KCNK9: variants seen among roughly 807,000 people sequenced by gnomAD.
The protein encoded by KCNK9 is potassium two pore domain channel subfamily K member 9, also known as potassium channel subfamily K member 9.
In KCNK9, 1 loss-of-function variant was observed where a neutral mutation model predicts 10.8. The observed-to-expected ratio is 0.09, with a 90% CI of 0.03 to 0.44. The LOEUF (loss-of-function observed/expected upper bound fraction) is 0.44, where lower values mean the gene tolerates loss of function less well. Ranked by LOEUF, KCNK9 falls within the 20% of genes least tolerant of loss-of-function variation. The pLI, the probability that KCNK9 is intolerant of heterozygous loss-of-function variation, is 0.97. For missense variants in KCNK9, 303 were observed against 515.0 expected, an observed-to-expected ratio of 0.59 and a Z score of 3.98; for synonymous variants, 231 against 222.7, an observed-to-expected ratio of 1.04 and a Z score of -0.33.
At chr8:139,653,632 C>T (rs1815933599) in intron 1 of KCNK9, among the ~76,000 whole-genome samples, 1 of 152,304 alleles carries the variant, frequency 6.6e-6, no homozygotes, top group East Asian at 1.9e-4. Context: ...ACCCCAAGGG[C>T]CTGGAGCTGG....
intron 1 of KCNK9, among the ~76,000 whole-genome samples, chr8:139,652,025 G>T (rs1815880672): frequency 6.6e-6 from 1 of 152,094 alleles, no homozygotes; most frequent in African/African-American, 2.4e-5. Context: ...GACATTCTTT[G>T]TGTGCCTGGA....
chr8:139,625,869 C>T (rs1027496981), intron 1 of KCNK9, among the ~76,000 whole-genome samples: 7 of 152,184 alleles, frequency 4.6e-5, no homozygotes, highest in African/African-American at 1.4e-4. Flanking sequence ...CACTTCAAGA[C>T]ACCTGCCACT....
chr8:139,606,998 G>A (rs954100927), intron 2 of KCNK9, among the ~76,000 whole-genome samples: 17 of 152,012 alleles, frequency 1.1e-4, no homozygotes, highest in African/African-American at 3.4e-4. Flanking sequence ...CACACAAAAC[G>A]GCTGTCAAAA....
At chr8:139,671,507 G>GTTTTT (rs1332954964) in intron 1 of KCNK9, among the ~76,000 whole-genome samples, 1 of 131,940 alleles carries the variant, frequency 7.6e-6, no homozygotes, top group African/African-American at 2.8e-5. Flanking sequence ...TCTTTTTTTA[G>GTTTTT]TTTCTTTTTT....
chr8:139,654,464 C>G (rs1047611711), intron 1 of KCNK9, among the ~76,000 whole-genome samples: 3 of 152,226 alleles, frequency 2.0e-5, no homozygotes, highest in East Asian at 1.9e-4. Flanking sequence ...ATCCCCACCC[C>G]CTTCCTGAGC....
At chr8:139,626,600 G>T (rs1309639188) in intron 1 of KCNK9, among the ~76,000 whole-genome samples, 1 of 152,172 alleles carries the variant, frequency 6.6e-6, no homozygotes, top group African/African-American at 2.4e-5. Context: ...GTCTCCCAGG[G>T]AGCCTGGCTA....
chr8:139,681,546 C>A (rs1387849322), intron 1 of KCNK9, among the ~76,000 whole-genome samples: 1 of 152,254 alleles, frequency 6.6e-6, no homozygotes, highest in Non-Finnish European at 1.5e-5. Context: ...ACCCGGCAGA[C>A]TTCCTGGTGC....
chr8:139,613,849 C>T (rs1028372110), downstream of KCNK9, among the ~76,000 whole-genome samples: 1 of 152,206 alleles, frequency 6.6e-6, no homozygotes, highest in Non-Finnish European at 1.5e-5. Flanking sequence ...CTGCATGGGA[C>T]AGACCCCAAG....
chr8:139,626,175 C>T (rs545845880), intron 1 of KCNK9, among the ~76,000 whole-genome samples: 1 of 152,228 alleles, frequency 6.6e-6, no homozygotes, highest in Non-Finnish European at 1.5e-5. Flanking sequence ...CGCTCCTGCA[C>T]TCCAGCGCTC....
chr8:139,672,111 G>A (rs1816442978), intron 1 of KCNK9, among the ~76,000 whole-genome samples: 1 of 152,136 alleles, frequency 6.6e-6, no homozygotes, highest in Non-Finnish European at 1.5e-5. Context: ...TCACGGCAGG[G>A]GCTCACCAAG....
At chr8:139,651,431 G>C (rs1390079425) in intron 1 of KCNK9, among the ~76,000 whole-genome samples, 3 of 152,228 alleles carry the variant, frequency 2.0e-5, no homozygotes, top group Non-Finnish European at 4.4e-5. Flanking sequence ...CACAGGAGGG[G>C]ACAAAATCAT....
At chr8:139,661,026 T>C (rs1464139941) in intron 1 of KCNK9, among the ~76,000 whole-genome samples, 1 of 152,204 alleles carries the variant, frequency 6.6e-6, no homozygotes, top group African/African-American at 2.4e-5. Flanking sequence ...AAAATAACTT[T>C]CCTGAGGCCC....
At chr8:139,644,721 C>CCA (rs779839455) in intron 1 of KCNK9, among the ~76,000 whole-genome samples, 28 of 150,542 alleles carry the variant, frequency 1.9e-4, no homozygotes, top group South Asian at 4.2e-4. Flanking sequence ...CCTGTCCCCC[C>CCA]CCCCCAGAGC....
intron 1 of KCNK9, among the ~76,000 whole-genome samples, chr8:139,635,748 A>G (rs1303476479): frequency 6.6e-6 from 1 of 152,160 alleles, no homozygotes; most frequent in African/African-American, 2.4e-5. Context: ...GGGAAAAAAA[A>G]TCACCCACAA....
At position 139,606,016 on chromosome 8, in the gene KCNK9, A is replaced by G. The variant is rs368801119; in HGVS notation, c.*1-4415T>C. On this transcript the variant is annotated intron_variant, in intron 2 of 2. Coordinates refer to the KCNK9 transcript ENST00000650269. ...TGAACAAAAGAAAACAAACAGAAGCAGTAGGCTCCTTTTGAATTTGGTTCT... is the reference window on the plus strand; with the variant it reads ...TGAACAAAAGAAAACAAACAGAAGCGGTAGGCTCCTTTTGAATTTGGTTCT... Among the ~76,000 whole-genome samples, 368 of 152,328 alleles carry G rather than the reference A, an allele frequency of 2.4e-3. 3 individuals carry two copies. The highest frequency in any genetic ancestry group is 7.5e-3 in the African/African-American group (310 of 41,580).
chr8:139,632,476 T>C (rs1018625040), intron 1 of KCNK9, among the ~76,000 whole-genome samples: 5 of 152,126 alleles, frequency 3.3e-5, no homozygotes, highest in Non-Finnish European at 7.4e-5. Context: ...ACAGACAGTG[T>C]CTACCCACAT....
At chr8:139,601,522 G>T (rs760170257) in exon 3 of KCNK9, 3 of 152,214 alleles carry the variant, frequency 2.0e-5, no homozygotes, top group Non-Finnish European at 2.9e-5. Flanking sequence ...AGATGCTGAG[G>T]ATCCAGGGAA....
intron 2 of KCNK9, among the ~76,000 whole-genome samples, chr8:139,606,655 G>A (rs1323000536): frequency 6.6e-6 from 1 of 152,202 alleles, no homozygotes; most frequent in Admixed American, 6.5e-5. Context: ...GTACATCTAA[G>A]AGGGATTATC....
chr8:139,654,100 C>T (rs572281262), intron 1 of KCNK9, among the ~76,000 whole-genome samples: 1 of 152,342 alleles, frequency 6.6e-6, no homozygotes, highest in East Asian at 1.9e-4. Flanking sequence ...CAGAGCTTTC[C>T]AGTTAGGAAA....
Sources: gnomAD v4.1 joint callset for allele counts (sites outside exome capture counted in the v4.1 genomes callset) on GRCh38, gnomAD v4.1.1 for gene constraint, MANE v1.5 for transcripts, NCBI Gene and HGNC (gene_info 2026-07-23, HGNC 2026-07-21) for gene names.